The following LAMA2 variants were observed in gnomAD, a reference collection of about 807,000 sequenced individuals.
LAMA2 encodes laminin subunit alpha-2.
A neutral mutation model predicts 364.8 loss-of-function variants in LAMA2; 269 were observed. The ratio of observed to expected loss-of-function variants is 0.74; its 90% confidence interval spans 0.67 to 0.82. LAMA2 has a LOEUF of 0.82. Ranked by LOEUF, LAMA2 falls within the 40% of genes least tolerant of loss-of-function variation. LAMA2 has a pLI of 0.00. For missense variants in LAMA2, 3,807 were observed against 3,873.2 expected, an observed-to-expected ratio of 0.98 and a Z score of 0.45; for synonymous variants, 1,379 against 1,370.6, an observed-to-expected ratio of 1.01 and a Z score of -0.14.
intron 1 of LAMA2, among the ~76,000 whole-genome samples, chr6:128,891,157 T>C (rs1016455387): frequency 5.3e-5 from 8 of 152,080 alleles, no homozygotes; most frequent in Admixed American, 1.3e-4. Flanking sequence ...AATCTTTGAA[T>C]AAGAAAATCT....
chr6:129,309,030 C>T (rs2114483890), intron 22 of LAMA2, among the ~76,000 whole-genome samples: 1 of 152,296 alleles, frequency 6.6e-6, no homozygotes, highest in Non-Finnish European at 1.5e-5. Flanking sequence ...GGGGACATAT[C>T]CAACTGTATC....
At chr6:129,209,597 G>A (rs1392391112) in intron 12 of LAMA2, among the ~76,000 whole-genome samples, 1 of 152,138 alleles carries the variant, frequency 6.6e-6, no homozygotes, top group East Asian at 1.9e-4. Context: ...AGGTTAAGGG[G>A]TTCAGCAAAA....
intron 58 of LAMA2, among the ~76,000 whole-genome samples, chr6:129,499,161 T>A (rs1389442097): frequency 1.3e-5 from 2 of 152,216 alleles, no homozygotes; most frequent in African/African-American, 2.4e-5. Context: ...CCTCCTTTCA[T>A]ATCCCATTTT....
chr6:128,973,556 T>C (rs1385828943), intron 1 of LAMA2, among the ~76,000 whole-genome samples: 1 of 152,192 alleles, frequency 6.6e-6, no homozygotes, highest in East Asian at 1.9e-4. Flanking sequence ...TGGCATGATT[T>C]TTAAATACTT....
At chr6:129,104,636 C>A (rs868001175) in intron 4 of LAMA2, among the ~76,000 whole-genome samples, 13 of 152,312 alleles carry the variant, frequency 8.5e-5, no homozygotes, top group African/African-American at 2.9e-4. Context: ...ATGTTCATAT[C>A]ATCACTGGAG....
At chr6:128,995,953 A>G (rs1783912970) in intron 1 of LAMA2, among the ~76,000 whole-genome samples, 1 of 152,122 alleles carries the variant, frequency 6.6e-6, no homozygotes, top group Non-Finnish European at 1.5e-5. Context: ...CTTCCTTTTT[A>G]TTCTCTCTGA....
intron 2 of LAMA2, among the ~76,000 whole-genome samples, chr6:129,057,238 A>G (rs902235635): frequency 3.3e-5 from 5 of 152,160 alleles, no homozygotes; most frequent in Admixed American, 2.6e-4. Flanking sequence ...AATGGTTAGA[A>G]TGCTCACAGT....
chr6:128,995,094 A>G (rs892132806), intron 1 of LAMA2, among the ~76,000 whole-genome samples: 6 of 152,212 alleles, frequency 3.9e-5, no homozygotes, highest in South Asian at 2.1e-4. Flanking sequence ...TCTGCGTTCT[A>G]TCTTTCATGC....
chr6:129,229,345 G>A (rs1784526173), intron 12 of LAMA2, among the ~76,000 whole-genome samples: 1 of 152,118 alleles, frequency 6.6e-6, no homozygotes, highest in Admixed American at 6.6e-5. Flanking sequence ...AGCATCTTAG[G>A]ACAAAGAGAA....
chr6:128,931,048 C>G (rs551432287), intron 1 of LAMA2, among the ~76,000 whole-genome samples: 2 of 152,146 alleles, frequency 1.3e-5, no homozygotes, highest in South Asian at 4.1e-4. Context: ...AAAAAAGGGA[C>G]AAGAAACACC....
intron 12 of LAMA2, among the ~76,000 whole-genome samples, chr6:129,205,533 C>T (rs1029995924): frequency 6.2e-5 from 9 of 145,462 alleles, no homozygotes; most frequent in Admixed American, 3.4e-4. Flanking sequence ...CACACACACA[C>T]GTGTGTGAAA....
At chr6:128,929,603 A>G (rs1582702397) in intron 1 of LAMA2, 1 of 1,347,356 alleles carries the variant, frequency 7.4e-7, no homozygotes, top group East Asian at 2.3e-5. Flanking sequence ...AGATGCCGCA[A>G]AAGCGCTTCC....
intron 4 of LAMA2, among the ~76,000 whole-genome samples, chr6:129,127,918 A>T (rs1487236089): frequency 6.6e-6 from 1 of 151,988 alleles, no homozygotes; most frequent in African/African-American, 2.4e-5. Context: ...TATTGAATAT[A>T]TGGCTTACAA....
At chr6:129,401,427 T>C in intron 38 of LAMA2, 87 bp downstream of exon 38, 1 of 849,624 alleles carries the variant, frequency 1.2e-6, no homozygotes, top group Non-Finnish European at 2.0e-6. Context: ...CAAATACTAG[T>C]ACTTGTTTTC....
intron 48 of LAMA2, among the ~76,000 whole-genome samples, chr6:129,457,201 TGAG>T (rs1178591144): frequency 1.3e-5 from 2 of 152,140 alleles, no homozygotes; most frequent in African/African-American, 4.8e-5. Context: ...CCCAAATTTA[TGAG>T]GACTCAACCT....
At chr6:128,940,149 T>G (rs927037991) in intron 1 of LAMA2, among the ~76,000 whole-genome samples, 1 of 152,148 alleles carries the variant, frequency 6.6e-6, no homozygotes, top group African/African-American at 2.4e-5. Context: ...TTCTACTGCC[T>G]TAAAAAGCCC....
chr6:129,147,139 T>G (rs1399173458), intron 6 of LAMA2, 91 bp downstream of exon 6: 3 of 850,690 alleles, frequency 3.5e-6, no homozygotes, highest in Non-Finnish European at 4.1e-6. Context: ...ACGCTGTAAA[T>G]GGGAGTCAGG....
At chr6:128,984,177 A>G (rs1020170169) in intron 1 of LAMA2, among the ~76,000 whole-genome samples, 1 of 152,088 alleles carries the variant, frequency 6.6e-6, no homozygotes, top group African/African-American at 2.4e-5. Flanking sequence ...CCCATGCTCC[A>G]TAGATCATTT....
At chr6:129,454,361 C>T in intron 47 of LAMA2, 73 bp downstream of exon 47, 3 of 1,208,810 alleles carry the variant, frequency 2.5e-6, no homozygotes, top group Middle Eastern at 1.9e-4. Flanking sequence ...TATAAGAAAA[C>T]TCCTATTTCC....
Sources: gnomAD v4.1 joint callset for allele counts (sites outside exome capture counted in the v4.1 genomes callset) on GRCh38, gnomAD v4.1.1 for gene constraint, MANE v1.5 for transcripts, NCBI Gene and HGNC (gene_info 2026-07-23, HGNC 2026-07-21) for gene names.